Variants in NAALADL2 observed in about 807,000 individuals in gnomAD.
The protein encoded by NAALADL2 is inactive N-acetylated-alpha-linked acidic dipeptidase-like protein 2.
In NAALADL2, 76 loss-of-function variants were observed where a neutral mutation model predicts 87.2. The ratio of observed to expected loss-of-function variants is 0.87; its 90% CI spans 0.72 to 1.05. The LOEUF is 1.05. Ranked by LOEUF, NAALADL2 falls within the 50% of genes least tolerant of loss-of-function variation. NAALADL2 has a pLI of 0.00. For synonymous variants in NAALADL2, 354 were observed against 331.0 expected (o/e 1.07, Z -0.75); for missense variants, 1,089 against 945.8 (o/e 1.15, Z -1.99).
intron 3 of NAALADL2, among the ~76,000 whole-genome samples, chr3:174,806,366 G>T (rs1216920972): frequency 2.0e-5 from 3 of 152,160 alleles, no homozygotes; most frequent in Admixed American, 2.0e-4. Flanking sequence ...AGAAGGCCAG[G>T]TCTTTTTATT....
chr3:174,851,534 C>T (rs939604050), intron 3 of NAALADL2, among the ~76,000 whole-genome samples: 3 of 151,854 alleles, frequency 2.0e-5, no homozygotes, highest in African/African-American at 4.8e-5. Context: ...GGATAAATTC[C>T]TAGACATGTC....
At chr3:174,918,776 T>C (rs1734753883) in intron 1 of NAALADL2, among the ~76,000 whole-genome samples, 1 of 152,030 alleles carries the variant, frequency 6.6e-6, no homozygotes, top group East Asian at 1.9e-4. Flanking sequence ...ATGCAGGGAG[T>C]ATGAAATAAA....
intron 13 of NAALADL2, among the ~76,000 whole-genome samples, chr3:175,800,924 A>C (rs1754069223): frequency 6.6e-6 from 1 of 152,166 alleles, no homozygotes; most frequent in Non-Finnish European, 1.5e-5. Context: ...AGCCGATTGG[A>C]CATGTAAGGA....
Position 174,775,054 on chromosome 3 carries a change from T to C in NAALADL2, c.-9+37308T>C, listed in dbSNP as rs934849700. Reference sequence around the variant, plus strand: ...AGTTCCTGAGTGCCACTGTTATGAGTATAATCTGTTTAGAAAAATAGGAAA... The same window carrying C: ...AGTTCCTGAGTGCCACTGTTATGAGCATAATCTGTTTAGAAAAATAGGAAA... On this transcript the variant is annotated intron_variant, in intron 3 of 3. Coordinates refer to the NAALADL2 transcript ENST00000434257. Among the ~76,000 whole-genome samples the C allele has an allele frequency of 3.9e-5, 6 of 152,192 alleles. No homozygotes were observed. In the East Asian group the frequency reaches 9.7e-4, roughly 25 times the overall value.
rs561577411 is a variant in NAALADL2 at position 175,197,940 on chromosome 3, G to C, written c.546-35991G>C. 2.6e-5 allele frequency among the ~76,000 whole-genome samples: 4 copies of C among 152,188 alleles called. No individual in the cohort carries two copies. The South Asian group carries it at 6.2e-4, about 24-fold the overall frequency. On this transcript the variant is annotated intron_variant, in intron 2 of 13. Transcript: ENST00000454872. The stretch of plus-strand genomic sequence containing the variant: ...ACAGTACTTCTTGAATTTTCCATTA[G>C]ATGTTTGTGGGAAAGTACAGTACTT...
chr3:175,395,108 A>G (rs1769599918), intron 5 of NAALADL2, among the ~76,000 whole-genome samples: 1 of 152,058 alleles, frequency 6.6e-6, no homozygotes, highest in Non-Finnish European at 1.5e-5. Flanking sequence ...TGACCTGATG[A>G]CTGAGATGGC....
chr3:175,717,031 T>G (rs1741394477), intron 11 of NAALADL2, among the ~76,000 whole-genome samples: 1 of 152,174 alleles, frequency 6.6e-6, no homozygotes, highest in Admixed American at 6.6e-5. Context: ...TCCAGAAAAT[T>G]AGATTTGGCT....
chr3:174,573,813 A>G (rs1377342698), intron 2 of NAALADL2, among the ~76,000 whole-genome samples: 1 of 151,694 alleles, frequency 6.6e-6, no homozygotes, highest in Non-Finnish European at 1.5e-5. Context: ...TGATCCAAAC[A>G]CTCCCAGCAG....
intron 9 of NAALADL2, among the ~76,000 whole-genome samples, chr3:175,552,489 T>G (rs1714578850): frequency 6.6e-6 from 1 of 152,210 alleles, no homozygotes; most frequent in Non-Finnish European, 1.5e-5. Context: ...CAGTTTATGT[T>G]GAAATATACA....
chr3:175,015,976 T>C (rs1580038917), intron 1 of NAALADL2, among the ~76,000 whole-genome samples: 1 of 151,880 alleles, frequency 6.6e-6, no homozygotes, highest in East Asian at 1.9e-4. Context: ...ATTTTTCTAC[T>C]GTTTTGGGGG....
chr3:175,626,362 G>A (rs1299854204), intron 10 of NAALADL2, among the ~76,000 whole-genome samples: 1 of 151,780 alleles, frequency 6.6e-6, no homozygotes, highest in Non-Finnish European at 1.5e-5. Flanking sequence ...CTTAAATACA[G>A]TGAATACACT....
intron 2 of NAALADL2, among the ~76,000 whole-genome samples, chr3:175,119,937 G>A (rs1725904455): frequency 7.8e-6 from 1 of 128,448 alleles, no homozygotes; most frequent in Non-Finnish European, 1.6e-5. Flanking sequence ...TGAATTATAT[G>A]AGGAAAAAGT....
rs1440075649 is a variant in NAALADL2, at chr3:175,755,856, A to C, written c.2189+438A>C. On this transcript the variant is annotated intron_variant, in intron 13 of 13. Transcript: ENST00000454872. ...GTTCAACAAGTTTAATATTTAGGGGAAAGTGGGATTTAGATCGATGTTGAA... is the reference window on the plus strand; with the variant it reads ...GTTCAACAAGTTTAATATTTAGGGGCAAGTGGGATTTAGATCGATGTTGAA... Among the ~76,000 whole-genome samples, 3 of 152,110 alleles carry C rather than the reference A, an allele frequency of 2.0e-5. No individual in the cohort carries two copies. In the East Asian group the frequency reaches 5.8e-4, roughly 29 times the overall value.
chr3:174,766,920 A>G (rs1343734917), intron 3 of NAALADL2, among the ~76,000 whole-genome samples: 1 of 152,158 alleles, frequency 6.6e-6, no homozygotes, highest in Non-Finnish European at 1.5e-5. Context: ...CAGAGCCTGC[A>G]TGGACAGCTG....
At chr3:175,138,886 A>AT (rs1195629703) in intron 2 of NAALADL2, among the ~76,000 whole-genome samples, 2 of 109,560 alleles carry the variant, frequency 1.8e-5, no homozygotes, top group African/African-American at 7.3e-5. Context: ...CAGCCTTTTA[A>AT]AATATATATA....
chr3:175,300,755 T>TTATTTATTTTTA (rs774634887), intron 4 of NAALADL2, among the ~76,000 whole-genome samples: 1 of 146,360 alleles, frequency 6.8e-6, no homozygotes, highest in Non-Finnish European at 1.5e-5. Flanking sequence ...ATTTATTTAT[T>TTATTTATTTTTA]TTTATTTATT....
chr3:175,144,059 T>C (rs530104700), intron 2 of NAALADL2, among the ~76,000 whole-genome samples: 1 of 151,964 alleles, frequency 6.6e-6, no homozygotes, highest in Non-Finnish European at 1.5e-5. Flanking sequence ...CTTAAAATAA[T>C]TTAAAAGAAT....
At chr3:174,801,738 TA>T (rs1206319562) in intron 3 of NAALADL2, among the ~76,000 whole-genome samples, 27 of 151,912 alleles carry the variant, frequency 1.8e-4, no homozygotes, top group African/African-American at 6.0e-4. Context: ...TTTCTGTGTC[TA>T]TTAATATGAT....
chr3:174,534,412 A>G (rs1578109196), intron 1 of NAALADL2, among the ~76,000 whole-genome samples: 1 of 152,220 alleles, frequency 6.6e-6, no homozygotes, highest in East Asian at 1.9e-4. Context: ...ACATAATTCC[A>G]GATATTGGGC....
Sources: allele counts gnomAD v4.1 joint callset (sites outside exome capture counted in the v4.1 genomes callset), GRCh38; gene constraint gnomAD v4.1.1; transcripts MANE v1.5; gene names NCBI Gene and HGNC (gene_info 2026-07-23, HGNC 2026-07-21).